Variants in CCDC187 observed in about 807,000 individuals in gnomAD.
The protein encoded by CCDC187 is coiled-coil domain containing 187, also known as coiled-coil domain-containing protein 187.
Under a neutral mutation model 38.0 loss-of-function variants are expected in CCDC187, and 32 were observed. That is an observed-to-expected ratio of 0.84 (90% confidence interval 0.64 to 1.13). CCDC187 has a LOEUF of 1.13. CCDC187 is among the 50% of genes most tolerant of loss of function. The pLI, the probability that CCDC187 is intolerant of heterozygous loss-of-function variation, is 0.00. For missense variants in CCDC187, 707 were observed against 786.8 expected (o/e 0.90, Z 1.21); for synonymous variants, 333 against 347.9 (o/e 0.96, Z 0.48).
intron 10 of CCDC187, chr9:136,281,273 C>T: frequency 2.5e-6 from 1 of 397,612 alleles, no homozygotes; most frequent in Non-Finnish European, 4.4e-6. Flanking sequence ...AGGAGGTGGG[C>T]TGGGCACAGC....
upstream of CCDC187, among the ~76,000 whole-genome samples, chr9:136,306,178 C>T (rs1365177455): frequency 6.6e-6 from 1 of 152,168 alleles, no homozygotes; most frequent in African/African-American, 2.4e-5. Flanking sequence ...GCAGGCCAGG[C>T]CCCCCTGTCC....
rs1025519300 is a variant in CCDC187, at chr9:136,288,515, C to T, written c.2222+1444G>A. Among the ~76,000 whole-genome samples the T allele has an allele frequency of 2.9e-4, 44 of 152,340 alleles. No individual in the cohort carries two copies. The East Asian group carries it at 7.5e-3, about 26-fold the overall frequency. On this transcript the variant is annotated intron_variant, in intron 7 of 25. Coordinates refer to ENST00000638797, the MANE Select transcript of CCDC187 (RefSeq NM_001378188.1). ...TCCCCCTGCCCGCTGGAACCCAGGG[C>T]ATGCAGGAGGCCTGGCCGTGAGCTC...
chr9:136,297,883 C>G (rs1244977254), intron 3 of CCDC187, 62 bp from the exon 4 acceptor site: 1 of 395,088 alleles, frequency 2.5e-6, no homozygotes, highest in African/African-American at 2.1e-5. Context: ...GACACACGGG[C>G]CCCCCACGTG....
chr9:136,262,218 T>C, intron 19 of CCDC187, 93 bp downstream of exon 19: 1 of 976,416 alleles, frequency 1.0e-6, no homozygotes, highest in Non-Finnish European at 1.2e-6. Context: ...TGAGCCAGGC[T>C]CGTCCACCGG....
intron 9 of CCDC187, among the ~76,000 whole-genome samples, chr9:136,284,117 G>A (rs1410981229): frequency 6.6e-6 from 1 of 152,154 alleles, no homozygotes; most frequent in Non-Finnish European, 1.5e-5. Context: ...GTCCCAGCAG[G>A]AGGAGAGGGG....
chr9:136,285,284 G>C (rs1831147877), intron 9 of CCDC187, among the ~76,000 whole-genome samples: 1 of 152,148 alleles, frequency 6.6e-6, no homozygotes, highest in Admixed American at 6.5e-5. Flanking sequence ...CATTCGTGGG[G>C]GGAGTGTCTG....
At chr9:136,273,449 G>A (rs531425285) in intron 14 of CCDC187, among the ~76,000 whole-genome samples, 18 of 152,188 alleles carry the variant, frequency 1.2e-4, no homozygotes, top group Non-Finnish European at 2.6e-4. Context: ...TGATAGAGGG[G>A]TGAGTTCATC....
rs1355952753 is a variant in CCDC187, at chr9:136,250,818, C to T, written c.*2776G>A. The T allele has an allele frequency of 2.6e-5, 12 of 456,102 alleles. No individual in the cohort carries two copies. Among genetic ancestry groups the T allele is most frequent in the Admixed American group, 4.7e-5 (2 of 42,572 alleles). 28.3% of individuals were successfully genotyped at this position (456,102 alleles called of 1,614,324 possible). On this transcript the variant is annotated 3_prime_UTR_variant, in exon 26 of 26. Coordinates refer to ENST00000638797, the MANE Select transcript of CCDC187 (RefSeq NM_001378188.1). ...TTAACGGCACCTGGGGCTAAGCAGC[C>T]GCCCCGGGGCTGGAGAAGGCAGGCT...
At chr9:136,266,507 C>T (rs756995753) in intron 16 of CCDC187, 17 of 152,244 alleles carry the variant, frequency 1.1e-4, no homozygotes, top group Non-Finnish European at 2.2e-4. Flanking sequence ...GATGCATTCT[C>T]ACTGACCCGG....
At chr9:136,271,652 G>C (rs1197960575) in intron 14 of CCDC187, among the ~76,000 whole-genome samples, 2 of 142,166 alleles carry the variant, frequency 1.4e-5, no homozygotes, top group African/African-American at 5.3e-5. Context: ...CTGTCAGCCA[G>C]GCTGGAGTGC....
Position 136,285,424 on chromosome 9 carries a change from CGGGCAGGTGGGCAGGT to C in CCDC187, c.2927+73_2927+88del, listed in dbSNP as rs1391343577. 13 of 407,338 alleles carry C rather than the reference CGGGCAGGTGGGCAGGT, an allele frequency of 3.2e-5. 1 individual carries two copies. The South Asian group carries it at 6.2e-4, about 19-fold the overall frequency. The allele number at this position is 407,338 out of a possible 1,614,324, so 25.2% of individuals were successfully genotyped here. On this transcript the variant is annotated intron_variant, in intron 9 of 25. Coordinates refer to ENST00000638797, the MANE Select transcript of CCDC187 (RefSeq NM_001378188.1). The stretch of plus-strand genomic sequence containing the variant: ...GTGAGAGGCAGCCCGTGAGCGTGGG[CGGGCAGGTGGGCAGGT>C]GGGCAGGTGGGCAGGTGGGCAGGCG...
intron 14 of CCDC187, among the ~76,000 whole-genome samples, chr9:136,271,088 G>C (rs536498616): frequency 6.6e-6 from 1 of 152,250 alleles, no homozygotes; most frequent in Admixed American, 6.5e-5. Flanking sequence ...GTAATCTTCT[G>C]CCCACATAAT....
intron 16 of CCDC187, chr9:136,266,787 A>G (rs553329583): frequency 6.6e-6 from 1 of 152,374 alleles, no homozygotes; most frequent in South Asian, 2.1e-4. Flanking sequence ...TTTCTCCCCA[A>G]AACAGAGTAT....
At chr9:136,301,195 C>T (rs1214359115) in intron 2 of CCDC187, among the ~76,000 whole-genome samples, 6 of 152,342 alleles carry the variant, frequency 3.9e-5, no homozygotes, top group African/African-American at 1.2e-4. Flanking sequence ...CCAAAGTATT[C>T]GCTCAGGCAG....
chr9:136,253,829 G>T lies in CCDC187; in HGVS notation c.5999C>A (p.Ala2000Asp), dbSNP rs1830579053. ...CCTGTGGATGGAGGACGGGAGGTCG[G>T]CACTGCCGTAGGACAGCAACTCGTC... ...PVDELLSYGS[A>D]DLPSSIHREA... Residue 2000 changes from alanine to aspartate, a missense_variant, in exon 26 of 26, where the codon GCC becomes GAC. Physicochemically the swap from Ala to Asp is moderately radical, Grantham distance 126 (BLOSUM62 -2). Transcript: ENST00000638797. 2 of 985,238 alleles carry T rather than the reference G, an allele frequency of 2.0e-6. No individual in the cohort carries two copies. The allele number at this position is 985,238 out of a possible 1,614,324, so 61.0% of individuals were successfully genotyped here.
At chr9:136,296,858 C>T (rs947974128) in intron 4 of CCDC187, among the ~76,000 whole-genome samples, 14 of 152,152 alleles carry the variant, frequency 9.2e-5, no homozygotes, top group South Asian at 2.1e-4. Flanking sequence ...CTGGACTCTC[C>T]GGGAAACACG....
chr9:136,292,987 G>A lies in CCDC187; in HGVS notation c.833-692C>T, dbSNP rs1399508961. Among the ~76,000 whole-genome samples the A allele has an allele frequency of 3.9e-5, 6 of 152,340 alleles. No individual in the cohort carries two copies. In the South Asian group the frequency reaches 8.3e-4, roughly 21 times the overall value. ...GGTGGCACTTCACAGCCCAGCTCACGGCCACCGATGCCAACACCAGCCCCA... is the reference window on the plus strand; with the variant it reads ...GGTGGCACTTCACAGCCCAGCTCACAGCCACCGATGCCAACACCAGCCCCA... On this transcript the variant is annotated intron_variant, in intron 4 of 25. Transcript: ENST00000638797.
At chr9:136,287,564 G>T (rs1831211094) in intron 7 of CCDC187, among the ~76,000 whole-genome samples, 1 of 152,188 alleles carries the variant, frequency 6.6e-6, no homozygotes. Context: ...GTCAGTCAGG[G>T]AGTTGGATTT....
chr9:136,279,395 A>T (rs1016800706), intron 10 of CCDC187, among the ~76,000 whole-genome samples: 1 of 152,064 alleles, frequency 6.6e-6, no homozygotes, highest in Admixed American at 6.5e-5. Context: ...GACCCAACAG[A>T]CTCCTGTTGC....
Sources: allele counts gnomAD v4.1 joint callset (sites outside exome capture counted in the v4.1 genomes callset), GRCh38; gene constraint gnomAD v4.1.1; transcripts MANE v1.5; gene names NCBI Gene and HGNC (gene_info 2026-07-23, HGNC 2026-07-21).